C10orf90: variants seen among roughly 807,000 people sequenced by gnomAD.
C10orf90 encodes chromosome 10 open reading frame 90, also known as (E2-independent) E3 ubiquitin-conjugating enzyme FATS.
Under a neutral mutation model 62.5 loss-of-function variants are expected in C10orf90, and 56 were observed. The observed-to-expected ratio is 0.90, with a 90% confidence interval of 0.72 to 1.12. The LOEUF is 1.12. C10orf90 is among the 50% of genes most tolerant of loss of function. The pLI, the probability that C10orf90 is intolerant of heterozygous loss-of-function variation, is 0.00. For missense variants in C10orf90, 970 were observed against 880.4 expected (o/e 1.10, Z -1.29); for synonymous variants, 386 against 340.4 (o/e 1.13, Z -1.47).
At position 126,507,377 on chromosome 10, in the gene C10orf90, AT is replaced by A. The variant is rs1307505164; in HGVS notation, c.406-2293del. 2.3e-4 allele frequency among the ~76,000 whole-genome samples: 35 copies of A among 149,650 alleles called. No individual in the cohort carries two copies. The South Asian group carries it at 5.1e-3, about 22-fold the overall frequency. ...ATCTCAAAAAAAAAAAAAAAAAAAA[AT>A]ACATGGGGAATTGTACATTCAAATA... On this transcript the variant is annotated intron_variant, in intron 3 of 9. Coordinates refer to ENST00000488181, the MANE Select transcript of C10orf90 (RefSeq NM_001350921.2).
chr10:126,465,119 G>A (rs907915482), intron 4 of C10orf90, 133 bp from the exon 5 acceptor site: 1 of 861,878 alleles, frequency 1.2e-6, no homozygotes, highest in East Asian at 2.6e-5. Context: ...AGTTAGGAGG[G>A]CCATCTGTAT....
At chr10:126,543,817 G>C (rs1864429602) in intron 2 of C10orf90, among the ~76,000 whole-genome samples, 1 of 152,212 alleles carries the variant, frequency 6.6e-6, no homozygotes, top group Non-Finnish European at 1.5e-5. Context: ...TTTCTCAAAA[G>C]AGGTAAAGAA....
intron 4 of C10orf90, among the ~76,000 whole-genome samples, chr10:126,480,122 C>G (rs1387658026): frequency 6.6e-6 from 1 of 152,074 alleles, no homozygotes; most frequent in East Asian, 1.9e-4. Flanking sequence ...ATTTATTTTC[C>G]TAAAGACTTT....
At chr10:126,646,443 C>G (rs1040030908) in intron 2 of C10orf90, 122 bp downstream of exon 2, 20 of 262,692 alleles carry the variant, frequency 7.6e-5, no homozygotes, top group Middle Eastern at 1.3e-3. Context: ...TATCATCTCA[C>G]GTTTGGGGGA....
intron 1 of C10orf90, among the ~76,000 whole-genome samples, chr10:126,658,004 C>T (rs1265732031): frequency 6.6e-6 from 1 of 152,222 alleles, no homozygotes; most frequent in African/African-American, 2.4e-5. Flanking sequence ...TGCACTCCCT[C>T]ACCACCCCAT....
At chr10:126,654,200 G>A (rs1325054172) in intron 1 of C10orf90, among the ~76,000 whole-genome samples, 1 of 152,192 alleles carries the variant, frequency 6.6e-6, no homozygotes, top group African/African-American at 2.4e-5. Flanking sequence ...AGCCTGTCCT[G>A]TGGAAGCCAG....
chr10:126,604,408 T>A (rs1235338737), intron 2 of C10orf90, among the ~76,000 whole-genome samples: 1 of 152,162 alleles, frequency 6.6e-6, no homozygotes. Context: ...GACTTGATCC[T>A]CAGTTGAAAG....
chr10:126,555,407 T>C (rs934131130), intron 2 of C10orf90, among the ~76,000 whole-genome samples: 5 of 152,150 alleles, frequency 3.3e-5, no homozygotes, highest in Non-Finnish European at 7.3e-5. Context: ...GCACGGTGAC[T>C]CATGCCTGTA....
chr10:126,576,688 T>TACATGTATATGTATATGTATATATATAC (rs1844622067), intron 2 of C10orf90, among the ~76,000 whole-genome samples: 1 of 28,292 alleles, frequency 3.5e-5, no homozygotes, highest in Non-Finnish European at 7.0e-5. Flanking sequence ...CATATACATA[T>TACATGTATATGTATATGTATATATATAC]ACATGTATAT....
chr10:126,549,593 A>G (rs1246385422), intron 2 of C10orf90, among the ~76,000 whole-genome samples: 1 of 152,206 alleles, frequency 6.6e-6, no homozygotes, highest in African/African-American at 2.4e-5. Context: ...GCTGCTCTGG[A>G]AAATAATTTG....
intron 2 of C10orf90, among the ~76,000 whole-genome samples, chr10:126,564,098 G>A (rs535297644): frequency 3.9e-5 from 6 of 152,216 alleles, no homozygotes; most frequent in South Asian, 2.1e-4. Flanking sequence ...GCTCCCACTC[G>A]CTATCTGTCT....
chr10:126,570,082 T>A (rs1844474116), intron 2 of C10orf90, among the ~76,000 whole-genome samples: 1 of 152,204 alleles, frequency 6.6e-6, no homozygotes. Flanking sequence ...AAAAATGCTC[T>A]GCGGGTGCTG....
At chr10:126,547,397 C>A (rs1403311679) in intron 2 of C10orf90, among the ~76,000 whole-genome samples, 9 of 145,940 alleles carry the variant, frequency 6.2e-5, no homozygotes, top group Admixed American at 5.7e-4. Context: ...CCAGCCTGGG[C>A]GACAGAGCAA....
chr10:126,642,144 T>C (rs2842169), intron 2 of C10orf90, among the ~76,000 whole-genome samples: 14,022 of 152,110 alleles, frequency 0.092, 713 homozygotes, highest in Middle Eastern at 0.16. Flanking sequence ...GCACCCTTGT[T>C]TAAGAGCAAA....
intron 7 of C10orf90, among the ~76,000 whole-genome samples, chr10:126,441,831 T>C (rs954308078): frequency 2.0e-5 from 3 of 152,080 alleles, no homozygotes; most frequent in African/African-American, 7.2e-5. Context: ...GATAAACAAA[T>C]GATGAGAGAA....
chr10:126,649,076 C>CGG (rs376687022), intron 1 of C10orf90, among the ~76,000 whole-genome samples: 4 of 41,972 alleles, frequency 9.5e-5, no homozygotes, highest in African/African-American at 1.8e-4. Flanking sequence ...CTCTCTCCCC[C>CGG]CCCCCCAGCA....
intron 4 of C10orf90, among the ~76,000 whole-genome samples, chr10:126,492,303 G>A (rs951156856): frequency 2.0e-5 from 3 of 152,180 alleles, no homozygotes; most frequent in African/African-American, 7.2e-5. Context: ...ATGTTGCCAA[G>A]CATCCTTCAG....
chr10:126,661,674 T>A (rs1846516683), intron 1 of C10orf90, among the ~76,000 whole-genome samples: 1 of 152,034 alleles, frequency 6.6e-6, no homozygotes, highest in African/African-American at 2.4e-5. Context: ...CTCTCTCTTT[T>A]TTTTTTTTTC....
chr10:126,621,908 A>G (rs548221430), intron 2 of C10orf90, among the ~76,000 whole-genome samples: 1 of 152,218 alleles, frequency 6.6e-6, no homozygotes, highest in East Asian at 1.9e-4. Context: ...CTCTTGTTTC[A>G]TGGTCTTTGA....
Sources: allele counts gnomAD v4.1 joint callset (sites outside exome capture counted in the v4.1 genomes callset), GRCh38; gene constraint gnomAD v4.1.1; transcripts MANE v1.5; gene names NCBI Gene and HGNC (gene_info 2026-07-23, HGNC 2026-07-21).